The following PCA3 variants were observed in gnomAD, a reference collection of about 807,000 sequenced individuals.
PCA3 encodes prostate cancer associated 3.
chr9:76,774,476 T>TTTC lies in PCA3; in HGVS notation n.853-34106_853-34105insTCT, dbSNP rs1323761923. Among the ~76,000 whole-genome samples, 154 of 148,654 alleles carry TTTC rather than the reference T, an allele frequency of 1.0e-3. 1 individual carries two copies. Among genetic ancestry groups the TTTC allele is most frequent in the Admixed American group, 8.4e-3 (124 of 14,790 alleles). On this transcript the variant is annotated intron_variant and non_coding_transcript_variant, in intron 2 of 5. Coordinates refer to ENST00000644657, the Ensembl canonical transcript of PCA3. The stretch of plus-strand genomic sequence containing the variant: ...TTTTTTTTTTTTTTTTTTTTTTTTT[T>TTTC]TGAGATGGAGTCTCACTTCTTGCCC...
intron 2 of PCA3, among the ~76,000 whole-genome samples, chr9:76,766,156 C>CT (rs1175955144): frequency 6.7e-6 from 1 of 148,362 alleles, no homozygotes; most frequent in African/African-American, 2.5e-5. Context: ...GCACTCTAGC[C>CT]TGGGTGACAG....
intron 2 of PCA3, among the ~76,000 whole-genome samples, chr9:76,779,185 T>C (rs2054109881): frequency 6.6e-6 from 1 of 151,784 alleles, no homozygotes; most frequent in Non-Finnish European, 1.5e-5. Context: ...TGCTTTAAAA[T>C]ATGCAGAAGA....
At chr9:76,776,687 C>G (rs1313067001) in intron 2 of PCA3, among the ~76,000 whole-genome samples, 1 of 151,146 alleles carries the variant, frequency 6.6e-6, no homozygotes, top group Non-Finnish European at 1.5e-5. Context: ...GCTAGTATTT[C>G]TAGTTTTAGT....
intron 2 of PCA3, among the ~76,000 whole-genome samples, chr9:76,774,604 G>A (rs1318918694): frequency 6.6e-6 from 1 of 151,768 alleles, no homozygotes; most frequent in African/African-American, 2.4e-5. Context: ...GATTACAGGT[G>A]TATGTCATCA....
intron 2 of PCA3, among the ~76,000 whole-genome samples, chr9:76,774,280 T>C (rs1222734981): frequency 4.0e-5 from 6 of 151,522 alleles, no homozygotes; most frequent in Non-Finnish European, 8.8e-5. Flanking sequence ...GGACTACAGG[T>C]GTGCACCACC....
At chr9:76,787,480 A>G (rs554681591) in intron 2 of PCA3, 2 of 152,216 alleles carry the variant, frequency 1.3e-5, no homozygotes, top group East Asian at 3.9e-4. Context: ...AGGTGCAGCA[A>G]ACCACTATGG....
chr9:76,773,953 G>C (rs1249552362), intron 2 of PCA3, among the ~76,000 whole-genome samples: 2 of 152,240 alleles, frequency 1.3e-5, no homozygotes, highest in African/African-American at 2.4e-5. Flanking sequence ...GAAGGAGCAA[G>C]TGAAAACTAA....
intron 2 of PCA3, among the ~76,000 whole-genome samples, chr9:76,772,726 G>A (rs562644623): frequency 5.4e-4 from 82 of 152,180 alleles, no homozygotes; most frequent in African/African-American, 1.9e-3. Flanking sequence ...GCTGTATCCA[G>A]CTAATTGTTT....
At chr9:76,784,079 ACCTCCGTC>A (rs2054714816) in intron 2 of PCA3, 1 of 151,986 alleles carries the variant, frequency 6.6e-6, no homozygotes, top group Admixed American at 6.6e-5. Flanking sequence ...ACCCGGGCTC[ACCTCCGTC>A]CCTCCATATT....
intron 2 of PCA3, chr9:76,784,060 G>A (rs977572294): frequency 4.6e-5 from 7 of 152,132 alleles, no homozygotes; most frequent in Non-Finnish European, 8.8e-5. Context: ...CACGGAGTCT[G>A]GATTTTCTAC....
chr9:76,765,914 G>T (rs1564249204), intron 2 of PCA3, among the ~76,000 whole-genome samples: 1 of 152,226 alleles, frequency 6.6e-6, no homozygotes, highest in East Asian at 1.9e-4. Flanking sequence ...CAGACGCGGT[G>T]GCTCACGCCT....
intron 2 of PCA3, chr9:76,782,649 T>C (rs2054542872): frequency 6.6e-6 from 1 of 152,214 alleles, no homozygotes; most frequent in Non-Finnish European, 1.5e-5. Context: ...TCTTGGATAA[T>C]ACTGTTCTAT....
At chr9:76,769,844 G>A (rs143311882) in intron 2 of PCA3, among the ~76,000 whole-genome samples, 7 of 152,182 alleles carry the variant, frequency 4.6e-5, no homozygotes, top group African/African-American at 1.4e-4. Context: ...TCAAAAAAGC[G>A]GTAGCAATTA....
intron 2 of PCA3, among the ~76,000 whole-genome samples, chr9:76,767,462 A>AAG (rs2052539871): frequency 6.7e-6 from 1 of 148,934 alleles, no homozygotes; most frequent in African/African-American, 2.6e-5. Context: ...AAAAAAAAAA[A>AAG]GAAAGAAAGA....
At chr9:76,783,501 A>G (rs2054646165) in intron 2 of PCA3, among the ~76,000 whole-genome samples, 1 of 152,186 alleles carries the variant, frequency 6.6e-6, no homozygotes, top group African/African-American at 2.4e-5. Flanking sequence ...CAGGCACTGC[A>G]CTAGTGACTT....
intron 2 of PCA3, among the ~76,000 whole-genome samples, chr9:76,775,283 G>A (rs964760094): frequency 6.6e-6 from 1 of 151,644 alleles, no homozygotes; most frequent in African/African-American, 2.4e-5. Flanking sequence ...AATATTCTCA[G>A]AGGACCATTT....
At chr9:76,770,328 G>A in intron 2 of PCA3, among the ~76,000 whole-genome samples, 1 of 152,044 alleles carries the variant, frequency 6.6e-6, no homozygotes, top group Non-Finnish European at 1.5e-5. Context: ...ATACTTTTGG[G>A]AATGAGAATT....
intron 2 of PCA3, among the ~76,000 whole-genome samples, chr9:76,777,722 A>C (rs2053952593): frequency 6.6e-6 from 1 of 152,248 alleles, no homozygotes; most frequent in Non-Finnish European, 1.5e-5. Flanking sequence ...GGCAGTGCAG[A>C]AAAATCAAAC....
chr9:76,781,988 G>A (rs2054460024), intron 2 of PCA3, among the ~76,000 whole-genome samples: 1 of 151,824 alleles, frequency 6.6e-6, no homozygotes, highest in Admixed American at 6.5e-5. Context: ...GCCGAAGCAG[G>A]TGGATCATGA....
Sources: gnomAD v4.1 joint callset for allele counts (sites outside exome capture counted in the v4.1 genomes callset) on GRCh38, gnomAD v4.1.1 for gene constraint, MANE v1.5 for transcripts, NCBI Gene and HGNC (gene_info 2026-07-23, HGNC 2026-07-21) for gene names.